The following IPO11 variants were observed in gnomAD, a reference collection of about 807,000 sequenced individuals.
IPO11 encodes importin 11.
In IPO11, 66 loss-of-function variants were observed where a neutral mutation model predicts 143.2. The observed-to-expected ratio is 0.46, with a 90% CI of 0.38 to 0.57. IPO11 has a LOEUF of 0.57. Ranked by LOEUF, IPO11 falls within the 20% of genes least tolerant of loss-of-function variation. The pLI, the probability that IPO11 is intolerant of heterozygous loss-of-function variation, is 0.00. For synonymous variants in IPO11, 385 were observed against 377.8 expected (o/e 1.02, Z -0.22); for missense variants, 1,026 against 1,141.0 (o/e 0.90, Z 1.45).
At chr5:62,439,028 C>G (rs1359316814) in intron 2 of IPO11, among the ~76,000 whole-genome samples, 2 of 144,490 alleles carry the variant, frequency 1.4e-5, no homozygotes, top group Admixed American at 1.4e-4. Context: ...CACTGCATTC[C>G]AACCTGGGCG....
chr5:62,530,113 G>A (rs6894930), intron 21 of IPO11, among the ~76,000 whole-genome samples: 3,991 of 152,216 alleles, frequency 0.026, 179 homozygotes, highest in African/African-American at 0.092. Flanking sequence ...TGTGGCAGAG[G>A]AACATATCAA....
rs551069833 is a variant in IPO11 at position 62,514,051 on chromosome 5, G to C, written c.1783-1337G>C. 1.1e-4 allele frequency among the ~76,000 whole-genome samples: 17 copies of C among 151,154 alleles called. No homozygotes were observed. The East Asian group carries it at 2.7e-3, about 24-fold the overall frequency. Reference sequence around the variant, plus strand: ...GATGGGATGGGGGCCGGGACGAGGCGCTCCTCACTTCCCAGGTGGGATGGC... The same window carrying C: ...GATGGGATGGGGGCCGGGACGAGGCCCTCCTCACTTCCCAGGTGGGATGGC... On this transcript the variant is annotated intron_variant, in intron 19 of 29. Transcript: ENST00000325324.
chr5:62,487,387 T>A (rs996414582), intron 12 of IPO11, among the ~76,000 whole-genome samples: 5 of 151,966 alleles, frequency 3.3e-5, no homozygotes, highest in African/African-American at 1.2e-4. Context: ...AGAGTGAGAC[T>A]GTGTCTCAAA....
chr5:62,504,742 T>C, intron 17 of IPO11, 42 bp downstream of exon 17: 1 of 1,380,060 alleles, frequency 7.2e-7, no homozygotes, highest in Non-Finnish European at 9.9e-7. Context: ...TGCAAAGAAC[T>C]TTAACACTTT....
intron 27 of IPO11, among the ~76,000 whole-genome samples, chr5:62,565,849 A>G (rs1476793954): frequency 6.9e-6 from 1 of 145,120 alleles, no homozygotes; most frequent in Non-Finnish European, 1.5e-5. Flanking sequence ...CTCATTGTTC[A>G]ACTCCCACTT....
intron 27 of IPO11, among the ~76,000 whole-genome samples, chr5:62,566,351 G>A (rs1743939365): frequency 6.6e-6 from 1 of 152,194 alleles, no homozygotes; most frequent in Admixed American, 6.5e-5. Flanking sequence ...TCTCATTGTG[G>A]TTCTGATTTG....
At chr5:62,547,892 A>G (rs1222174002) in intron 24 of IPO11, among the ~76,000 whole-genome samples, 1 of 152,036 alleles carries the variant, frequency 6.6e-6, no homozygotes, top group Admixed American at 6.6e-5. Context: ...AACTAGATAG[A>G]TATATAAGGT....
chr5:62,605,716 T>G (rs1378707505), intron 29 of IPO11, among the ~76,000 whole-genome samples: 2 of 147,722 alleles, frequency 1.4e-5, no homozygotes, highest in African/African-American at 5.1e-5. Flanking sequence ...TAACAAAGTA[T>G]TATTATTATT....
chr5:62,574,326 T>G (rs910346241), intron 27 of IPO11, among the ~76,000 whole-genome samples: 15 of 152,208 alleles, frequency 9.9e-5, no homozygotes, highest in African/African-American at 3.1e-4. Flanking sequence ...TGCGTGTGTT[T>G]GTGTGTTTAA....
At chr5:62,489,814 A>G (rs1161763938) in intron 14 of IPO11, among the ~76,000 whole-genome samples, 3 of 152,234 alleles carry the variant, frequency 2.0e-5, no homozygotes, top group Non-Finnish European at 4.4e-5. Flanking sequence ...TAGGGACCAG[A>G]TCATAAAATA....
chr5:62,551,312 G>C lies in IPO11; in HGVS notation c.2436G>C (p.Glu812Asp). 1 of 1,594,358 alleles carries C rather than the reference G, an allele frequency of 6.3e-7. No individual in the cohort carries two copies. Among genetic ancestry groups the C allele is most frequent in the East Asian group, 2.2e-5 (1 of 44,622 alleles). ...NTSFFSSLLN[E>D]MAHKFNQEMD... ...GTTTTTTTTCTTCACTACTTAATGA[G>C]ATGGCCCATAAATTTAATCAGGAGG... Residue 812 changes from glutamate to aspartate, a missense_variant, in exon 26 of 30, where the codon GAG becomes GAC. Glu to Asp is a conservative substitution (Grantham distance 45). Around this residue, in one of 5 missense-constraint regions of IPO11, gnomAD observed 351 missense variants for 358.9 expected, o/e 0.98. Transcript: ENST00000325324.
intron 20 of IPO11, among the ~76,000 whole-genome samples, chr5:62,523,094 G>A (rs1023715071): frequency 6.6e-6 from 1 of 152,178 alleles, no homozygotes; most frequent in Non-Finnish European, 1.5e-5. Flanking sequence ...CTGGATTTTA[G>A]TTTTGGTTTC....
chr5:62,607,046 G>A (rs1272187110), intron 29 of IPO11, among the ~76,000 whole-genome samples: 1 of 152,140 alleles, frequency 6.6e-6, no homozygotes, highest in African/African-American at 2.4e-5. Context: ...GCTCAAGGAT[G>A]GAGAACAGTG....
chr5:62,498,368 T>C (rs1741230014), intron 16 of IPO11, among the ~76,000 whole-genome samples: 2 of 152,180 alleles, frequency 1.3e-5, no homozygotes, highest in African/African-American at 4.8e-5. Context: ...TTCCCCTTTA[T>C]AATATATTAG....
intron 29 of IPO11, among the ~76,000 whole-genome samples, chr5:62,626,864 T>C (rs1746599774): frequency 6.6e-6 from 1 of 152,210 alleles, no homozygotes; most frequent in Non-Finnish European, 1.5e-5. Flanking sequence ...TCTTTTAGAA[T>C]GCTTTCTACT....
At chr5:62,574,318 C>G (rs967926724) in intron 27 of IPO11, among the ~76,000 whole-genome samples, 1 of 151,998 alleles carries the variant, frequency 6.6e-6, no homozygotes, top group African/African-American at 2.4e-5. Flanking sequence ...GGTGCATGTG[C>G]GTGTGTTTGT....
At chr5:62,548,964 A>G (rs1436403656) in intron 24 of IPO11, among the ~76,000 whole-genome samples, 2 of 152,096 alleles carry the variant, frequency 1.3e-5, no homozygotes, top group Admixed American at 1.3e-4. Flanking sequence ...AATAATGGGC[A>G]GGTGGTCTTA....
intron 9 of IPO11, among the ~76,000 whole-genome samples, chr5:62,477,248 G>T (rs1483185194): frequency 6.6e-6 from 1 of 152,176 alleles, no homozygotes; most frequent in African/African-American, 2.4e-5. Flanking sequence ...ATGATATTTT[G>T]GTCTTGAAGG....
intron 19 of IPO11, among the ~76,000 whole-genome samples, chr5:62,514,484 T>G (rs191782): frequency 2.0e-5 from 3 of 150,722 alleles, no homozygotes; most frequent in East Asian, 2.0e-4. Context: ...CGCAGGCACT[T>G]GGCAGGCTGA....
Sources: allele counts gnomAD v4.1 joint callset (sites outside exome capture counted in the v4.1 genomes callset), GRCh38; gene constraint gnomAD v4.1.1; regional missense constraint gnomAD v4.1.1; transcripts MANE v1.5; gene names NCBI Gene and HGNC (gene_info 2026-07-23, HGNC 2026-07-21).